PLEKHM3: variants seen among roughly 807,000 people sequenced by gnomAD.
PLEKHM3 encodes the protein pleckstrin homology domain containing M3, also known as pleckstrin homology domain-containing family M member 3.
PLEKHM3 carries 45 observed loss-of-function variants against 81.8 expected under a neutral mutation model. The ratio of observed to expected loss-of-function variants is 0.55; its 90% CI spans 0.43 to 0.71. The LOEUF (loss-of-function observed/expected upper bound fraction) is 0.71, where lower values mean the gene tolerates loss of function less well. PLEKHM3 is among the 30% of genes least tolerant of loss of function. The pLI is 0.00. For synonymous variants in PLEKHM3, 352 were observed against 356.4 expected (o/e 0.99, Z 0.14); for missense variants, 788 against 924.3 (o/e 0.85, Z 1.91).
intron 2 of PLEKHM3, among the ~76,000 whole-genome samples, chr2:207,993,996 T>G (rs1019148879): frequency 3.3e-5 from 5 of 152,074 alleles, no homozygotes; most frequent in Admixed American, 6.6e-5. Flanking sequence ...CAACCATGAG[T>G]CAGGGTCAAT....
chr2:207,875,916 T>C (rs889566334), intron 6 of PLEKHM3, among the ~76,000 whole-genome samples: 8 of 152,226 alleles, frequency 5.3e-5, no homozygotes, highest in Non-Finnish European at 1.2e-4. Context: ...ATAACTCTGT[T>C]ATGCAGCCAG....
rs188543628 is a variant in PLEKHM3, at chr2:208,021,535, A to G, written c.-319+3854T>C. On this transcript the variant is annotated intron_variant, in intron 1 of 7. Coordinates refer to ENST00000427836, the MANE Select transcript of PLEKHM3 (RefSeq NM_001080475.3). ...CATAATTACATTATTTATGGATTTT[A>G]TTATCTCCAGTATTTGACTGTACAA... Among the ~76,000 whole-genome samples, 304 of 152,326 alleles carry G rather than the reference A, an allele frequency of 2.0e-3. 1 individual carries two copies. The highest frequency in any genetic ancestry group is 7.0e-3 in the African/African-American group (289 of 41,580).
At chr2:207,930,105 CA>C (rs1431503145) in intron 5 of PLEKHM3, among the ~76,000 whole-genome samples, 2 of 152,148 alleles carry the variant, frequency 1.3e-5, no homozygotes, top group African/African-American at 4.8e-5. Context: ...ATTTTACTTT[CA>C]ACTTTAAGGA....
chr2:208,009,104 C>A (rs559429670), intron 1 of PLEKHM3, among the ~76,000 whole-genome samples: 1 of 152,326 alleles, frequency 6.6e-6, no homozygotes, highest in South Asian at 2.1e-4. Flanking sequence ...AACCCTTCGA[C>A]GAAGCTCCCA....
chr2:207,984,613 T>G (rs1328690425), intron 2 of PLEKHM3, among the ~76,000 whole-genome samples: 1 of 152,172 alleles, frequency 6.6e-6, no homozygotes, highest in East Asian at 1.9e-4. Context: ...ATTCCTGACC[T>G]CAGGTGACCC....
At chr2:207,873,305 A>G (rs562083640) in intron 6 of PLEKHM3, among the ~76,000 whole-genome samples, 1 of 152,296 alleles carries the variant, frequency 6.6e-6, no homozygotes, top group Admixed American at 6.5e-5. Context: ...ATTCCCAGCT[A>G]TGTCCCCAGT....
chr2:207,999,531 A>G (rs2106087251), intron 2 of PLEKHM3, among the ~76,000 whole-genome samples: 1 of 152,274 alleles, frequency 6.6e-6, no homozygotes, highest in East Asian at 1.9e-4. Context: ...CCATGAGCCA[A>G]GAGTTTGAGG....
chr2:207,962,117 T>C (rs1007500709), intron 3 of PLEKHM3, among the ~76,000 whole-genome samples: 2 of 152,182 alleles, frequency 1.3e-5, no homozygotes, highest in African/African-American at 2.4e-5. Context: ...TGGTGAGTCA[T>C]AGTGGGCCAC....
At chr2:207,861,732 T>C (rs776681548) in intron 6 of PLEKHM3, among the ~76,000 whole-genome samples, 9 of 152,126 alleles carry the variant, frequency 5.9e-5, no homozygotes, top group Admixed American at 3.9e-4. Context: ...ATAGAGTAAA[T>C]GGGGAAAAAT....
At chr2:208,008,510 A>AAAC (rs1242563253) in intron 1 of PLEKHM3, among the ~76,000 whole-genome samples, 3 of 34,268 alleles carry the variant, frequency 8.8e-5, no homozygotes, top group African/African-American at 1.4e-4. Flanking sequence ...CCAAAAAAAA[A>AAAC]AAAAAAAAAA....
intron 3 of PLEKHM3, among the ~76,000 whole-genome samples, chr2:207,956,289 AC>A (rs1690504029): frequency 6.6e-6 from 1 of 152,064 alleles, no homozygotes; most frequent in African/African-American, 2.4e-5. Context: ...ACATGGTGAA[AC>A]CCCATCTATA....
intron 5 of PLEKHM3, among the ~76,000 whole-genome samples, chr2:207,915,852 A>G (rs1411059726): frequency 6.6e-6 from 1 of 152,190 alleles, no homozygotes; most frequent in Non-Finnish European, 1.5e-5. Flanking sequence ...AATTTATATT[A>G]AGTTGAGATG....
chr2:207,887,962 G>A (rs1357466329), intron 6 of PLEKHM3, among the ~76,000 whole-genome samples: 1 of 152,072 alleles, frequency 6.6e-6, no homozygotes, highest in Non-Finnish European at 1.5e-5. Flanking sequence ...CTATGTTGAT[G>A]GTGGTCTCAT....
chr2:207,988,358 C>G (rs1037391130), intron 2 of PLEKHM3, among the ~76,000 whole-genome samples: 11 of 152,192 alleles, frequency 7.2e-5, no homozygotes, highest in African/African-American at 2.7e-4. Context: ...AATTATTTAA[C>G]CTGAGTCTCA....
chr2:207,831,624 C>T (rs974917857), intron 7 of PLEKHM3, among the ~76,000 whole-genome samples: 2 of 152,350 alleles, frequency 1.3e-5, no homozygotes, highest in Admixed American at 6.5e-5. Context: ...GGAAGGACTA[C>T]GCAAAGGCTG....
At chr2:207,837,653 A>T (rs1353241881) in intron 7 of PLEKHM3, among the ~76,000 whole-genome samples, 9 of 20,292 alleles carry the variant, frequency 4.4e-4, no homozygotes, top group East Asian at 4.0e-3. Context: ...TTTTTTTTTG[A>T]GATGGAGTCA....
chr2:208,001,921 TA>T lies in PLEKHM3; in HGVS notation c.-283del. 2 of 411,148 alleles carry T rather than the reference TA, an allele frequency of 4.9e-6. No homozygotes were observed. Among genetic ancestry groups the T allele is most frequent in the Non-Finnish European group, 8.7e-6 (2 of 229,180 alleles). The allele number at this position is 411,148 out of a possible 1,614,324, so 25.5% of individuals were successfully genotyped here. On this transcript the variant is annotated 5_prime_UTR_variant, in exon 2 of 8. It removes the in-frame stop codon of an upstream open reading frame in the 5' UTR. Transcript: ENST00000427836. ...AGACCTCTGTGAAGACAACAGCAAGTACTTGTCAAAGCAATGCCACGCCAAT... is the reference window on the plus strand; with the variant it reads ...AGACCTCTGTGAAGACAACAGCAAGTCTTGTCAAAGCAATGCCACGCCAAT...
At chr2:208,023,600 T>C (rs1693201117) in intron 1 of PLEKHM3, among the ~76,000 whole-genome samples, 2 of 152,118 alleles carry the variant, frequency 1.3e-5, no homozygotes, top group African/African-American at 2.4e-5. Context: ...TTGTGAACTG[T>C]GCGTGCGAGG....
At chr2:208,020,198 G>A (rs1488555954) in intron 1 of PLEKHM3, among the ~76,000 whole-genome samples, 1 of 152,226 alleles carries the variant, frequency 6.6e-6, no homozygotes, top group Non-Finnish European at 1.5e-5. Context: ...GCTTTAGTTT[G>A]TACTGAATTA....
Sources: allele counts gnomAD v4.1 joint callset (sites outside exome capture counted in the v4.1 genomes callset), GRCh38; gene constraint gnomAD v4.1.1; transcripts MANE v1.5; gene names NCBI Gene and HGNC (gene_info 2026-07-23, HGNC 2026-07-21).